The following CPSF4 variants were observed in gnomAD, a reference collection of about 807,000 sequenced individuals.
The protein encoded by CPSF4 is cleavage and polyadenylation specific factor 4.
CPSF4 carries 11 observed loss-of-function variants against 37.7 expected under a neutral mutation model. That is an observed-to-expected ratio of 0.29 (90% CI 0.18 to 0.48). CPSF4 has a LOEUF of 0.48. Among genes scored for constraint, CPSF4 ranks in the 20% least tolerant of loss-of-function variants. CPSF4 has a pLI of 0.99. For missense variants in CPSF4, 144 were observed against 359.5 expected, an observed-to-expected ratio of 0.40 and a Z score of 4.85; for synonymous variants, 132 against 135.9, an observed-to-expected ratio of 0.97 and a Z score of 0.20.
intron 7 of CPSF4, among the ~76,000 whole-genome samples, chr7:99,455,483 A>T (rs914034189): frequency 5.3e-5 from 8 of 152,198 alleles, no homozygotes; most frequent in African/African-American, 1.9e-4. Context: ...AGCAGGTCAC[A>T]AGGTCAGGAG....
At chr7:99,447,126 C>CTTAT (rs1351807247) in intron 2 of CPSF4, among the ~76,000 whole-genome samples, 3 of 151,228 alleles carry the variant, frequency 2.0e-5, no homozygotes, top group Non-Finnish European at 2.9e-5. Flanking sequence ...TACTTACTTA[C>CTTAT]TTATTTATTT....
chr7:99,441,691 T>A (rs1796999113), intron 1 of CPSF4, among the ~76,000 whole-genome samples: 1 of 104,374 alleles, frequency 9.6e-6, no homozygotes, highest in Admixed American at 8.8e-5. Flanking sequence ...ACTTTCAGAA[T>A]TTTTTTTTTC....
chr7:99,451,939 C>T (rs971974177), intron 5 of CPSF4, among the ~76,000 whole-genome samples: 5 of 152,246 alleles, frequency 3.3e-5, no homozygotes, highest in African/African-American at 1.2e-4. Context: ...AGAGTGCAGG[C>T]ACCTGCAGGT....
At chr7:99,449,443 A>G (rs1189068902) in intron 3 of CPSF4, among the ~76,000 whole-genome samples, 2 of 152,244 alleles carry the variant, frequency 1.3e-5, no homozygotes, top group African/African-American at 2.4e-5. Flanking sequence ...CAGAGGCAGC[A>G]GCTGGCTCTC....
At chr7:99,440,615 C>T (rs1219112406) in intron 1 of CPSF4, among the ~76,000 whole-genome samples, 5 of 140,422 alleles carry the variant, frequency 3.6e-5, no homozygotes, top group African/African-American at 5.7e-5. Context: ...CCTCGGCCTT[C>T]GGAAGTACTG....
intron 7 of CPSF4, among the ~76,000 whole-genome samples, 181 bp downstream of exon 7, chr7:99,454,317 A>G (rs147308727): frequency 6.6e-4 from 100 of 152,284 alleles, no homozygotes; most frequent in African/African-American, 2.4e-3. Flanking sequence ...CCTATTTCCT[A>G]CCACACTGCA....
intron 1 of CPSF4, chr7:99,443,043 C>T: frequency 8.3e-7 from 1 of 1,208,502 alleles, no homozygotes; most frequent in Admixed American, 1.7e-5. Context: ...GACATTCAAA[C>T]CAAATCTTTG....
chr7:99,447,589 C>CT (rs1195818955), intron 2 of CPSF4, among the ~76,000 whole-genome samples: 11,331 of 129,020 alleles, frequency 0.088, 1,037 homozygotes, highest in East Asian at 0.29. Flanking sequence ...TCATGAGTAA[C>CT]TTTTTTTTTT....
Position 99,448,329 on chromosome 7 carries a change from G to C in CPSF4, c.307+56G>C. On this transcript the variant is annotated intron_variant, in intron 3 of 7. Coordinates refer to ENST00000292476, the MANE Select transcript of CPSF4 (RefSeq NM_006693.4). This position sits in a 1 kb window ranked among gnomAD's most constrained non-coding sequence, Gnocchi z 4.4. ...TGAGAACCAGGGTGCAGAGGGGTCC[G>C]CTGGCTGCTCAGTGCCCACACTGTC... is the stretch of plus-strand genomic sequence containing the variant. 1 of 1,579,736 alleles carries C rather than the reference G, an allele frequency of 6.3e-7. No individual in the cohort carries two copies. Among genetic ancestry groups the C allele is most frequent in the Non-Finnish European group, 8.6e-7 (1 of 1,157,744 alleles).
chr7:99,440,674 A>ATATATATATTTTTTTTTTTT, intron 1 of CPSF4, among the ~76,000 whole-genome samples: 77 of 88,054 alleles, frequency 8.7e-4, no homozygotes, highest in African/African-American at 3.1e-3. Flanking sequence ...ATATATATAT[A>ATATATATATTTTTTTTTTTT]TTTTTTTTTT....
chr7:99,444,882 T>TC, intron 2 of CPSF4, 43 bp downstream of exon 2: 3 of 1,557,934 alleles, frequency 1.9e-6, no homozygotes, highest in Non-Finnish European at 2.7e-6. Context: ...GGAGGCGCCC[T>TC]CCCACCTCCT....
rs201226770 is a variant in CPSF4 at position 99,444,833 on chromosome 7, G to A, written c.148G>A (p.Gly50Ser). Residue 50 changes from glycine to serine, a missense_variant, in exon 2 of 8, where the codon GGC becomes AGC. Physicochemically the swap from Gly to Ser is moderately conservative, Grantham distance 56. This residue lies in a region of CPSF4 where 42 missense variants were observed against 86.4 expected (regional missense o/e 0.49). Transcript: ENST00000292476. ...VCEFFLKAACGKGGMCPFRHI... is the reference protein window; with the variant it reads ...VCEFFLKAACSKGGMCPFRHI... Reference sequence around the variant, plus strand: ...TGAATTCTTTTTGAAAGCTGCCTGCGGCAAAGGTAAGAAACTCCGGGCTCC... The same window carrying A: ...TGAATTCTTTTTGAAAGCTGCCTGCAGCAAAGGTAAGAAACTCCGGGCTCC... 23 of 1,613,492 alleles carry A rather than the reference G, an allele frequency of 1.4e-5. No homozygotes were observed. Among genetic ancestry groups the A allele is most frequent in the East Asian group, 2.2e-5 (1 of 44,866 alleles).
intron 1 of CPSF4, chr7:99,443,540 G>T: frequency 1.6e-6 from 1 of 627,646 alleles, no homozygotes; most frequent in Non-Finnish European, 2.9e-6. Flanking sequence ...TTGTATGTGG[G>T]GTGGGGTGCG....
Position 99,453,820 on chromosome 7 carries a change from T to C in CPSF4, c.571-146T>C, listed in dbSNP as rs1047109018. The C allele has an allele frequency of 8.8e-5, 60 of 685,486 alleles. No individual in the cohort carries two copies. In the African/African-American group the frequency reaches 1.0e-3, roughly 12 times the overall value. The allele number at this position is 685,486 out of a possible 1,614,324, so 42.5% of individuals were successfully genotyped here. On this transcript the variant is annotated intron_variant, in intron 6 of 7. Transcript: ENST00000292476. The surrounding 1 kb of genome is among the most constrained non-coding windows in gnomAD (Gnocchi z 4.7). ...CCATCATCACCACATGTTTCTCTGC[T>C]GCCCACTGTCCTGAGGTGGGCCGTC...
chr7:99,451,290 TAGC>T (rs1797915837), intron 5 of CPSF4, among the ~76,000 whole-genome samples: 1 of 152,146 alleles, frequency 6.6e-6, no homozygotes, highest in Admixed American at 6.5e-5. Context: ...GGGCACATGG[TAGC>T]AGGTGGTGGC....
At chr7:99,452,023 G>T (rs1242920141) in intron 5 of CPSF4, among the ~76,000 whole-genome samples, 2 of 152,314 alleles carry the variant, frequency 1.3e-5, no homozygotes, top group African/African-American at 4.8e-5. Flanking sequence ...GGGGAGGGGG[G>T]CTTCCCTGTG....
chr7:99,442,329 C>CT (rs974678938), intron 1 of CPSF4, among the ~76,000 whole-genome samples: 6 of 151,306 alleles, frequency 4.0e-5, no homozygotes, highest in Admixed American at 3.3e-4. Context: ...AAAGGCTGTG[C>CT]TTTTTTTTTC....
At chr7:99,452,525 T>G (rs906490855) in intron 6 of CPSF4, 85 bp downstream of exon 6, 130 of 1,250,408 alleles carry the variant, frequency 1.0e-4, no homozygotes, top group Non-Finnish European at 1.3e-4. Flanking sequence ...GTGGTCTGCC[T>G]TAGACCCCGC....
chr7:99,456,517 C>A lies in CPSF4; in HGVS notation c.*17C>A, dbSNP rs1327745625. On this transcript the variant is annotated 3_prime_UTR_variant, in exon 8 of 8. Transcript: ENST00000292476. ...GGACAGTGACAGCAGCTGGAGCCAG[C>A]TCCGAGCAGCCCGGGGGCCCCGCTG... 1.1e-5 allele frequency: 17 copies of A among 1,612,872 alleles called. No individual in the cohort carries two copies. The highest frequency in any genetic ancestry group is 1.4e-5 in the Non-Finnish European group (16 of 1,179,066).
Sources: gnomAD v4.1 joint callset for allele counts (sites outside exome capture counted in the v4.1 genomes callset) on GRCh38, gnomAD v4.1.1 for gene constraint, gnomAD v4.1.1 regional missense constraint, Gnocchi (gnomAD v3.1) non-coding constraint, MANE v1.5 for transcripts, NCBI Gene and HGNC (gene_info 2026-07-23, HGNC 2026-07-21) for gene names.